Variants in ITSN2 observed in about 807,000 individuals in gnomAD.
ITSN2 encodes intersectin-2.
In ITSN2, 156 loss-of-function variants were observed where a neutral mutation model predicts 243.7. The ratio of observed to expected loss-of-function variants is 0.64; its 90% CI spans 0.56 to 0.73. ITSN2 has a LOEUF of 0.73. Ranked by LOEUF, ITSN2 falls within the 30% of genes least tolerant of loss-of-function variation. The probability of loss-of-function intolerance (pLI) is 0.00; values close to 1 mark genes in which losing one functional copy is unlikely to be tolerated. For missense variants in ITSN2, 1,801 were observed against 1,996.1 expected (o/e 0.90, Z 1.86); for synonymous variants, 703 against 699.9 (o/e 1.00, Z -0.07).
rs879538107 is a variant in ITSN2, at chr2:24,314,799, A to G, written c.124+333T>C. Among the ~76,000 whole-genome samples the G allele has an allele frequency of 3.3e-5, 5 of 151,378 alleles. No homozygotes were observed. The East Asian group carries it at 9.6e-4, about 29-fold the overall frequency. On this transcript the variant is annotated intron_variant, in intron 3 of 39. Coordinates refer to ENST00000355123, the MANE Select transcript of ITSN2 (RefSeq NM_006277.3). Reference sequence around the variant, plus strand: ...CTAGCATTAGGAAAACAGATTCCAGAAAAAAAAAGTCTAGATTTTCCATGA... The same window carrying G: ...CTAGCATTAGGAAAACAGATTCCAGGAAAAAAAAGTCTAGATTTTCCATGA...
At chr2:24,212,400 A>G (rs1036194413) in intron 33 of ITSN2, among the ~76,000 whole-genome samples, 1 of 152,102 alleles carries the variant, frequency 6.6e-6, no homozygotes, top group Non-Finnish European at 1.5e-5. Flanking sequence ...GAGTTTCTTG[A>G]AAGGTGGGTG....
rs1472669792 is a variant in ITSN2, at chr2:24,335,158, ATCTTT to A, written c.-33-7048_-33-7044del. 3.9e-5 allele frequency: 8 copies of A among 206,680 alleles called. No homozygotes were observed. The East Asian group carries it at 3.9e-4, about 10-fold the overall frequency. 12.8% of individuals were successfully genotyped at this position (206,680 alleles called of 1,614,324 possible). On this transcript the variant is annotated intron_variant, in intron 1 of 39. Coordinates refer to ENST00000355123, the MANE Select transcript of ITSN2 (RefSeq NM_006277.3). ...GCCAAGTGACCCAGTTCTAAGTGTCATCTTTTCTTTTATTATAAAGACAATAAAAT... is the reference window on the plus strand; with the variant it reads ...GCCAAGTGACCCAGTTCTAAGTGTCATCTTTTATTATAAAGACAATAAAAT...
chr2:24,299,946 C>A lies in ITSN2; in HGVS notation c.1307G>T (p.Arg436Leu), dbSNP rs1238446619. The change falls in exon 12 of 40, where the codon CGA becomes CTA. Residue 436 changes from arginine (R) to leucine (L), a missense_variant. Coordinates refer to ENST00000355123, the MANE Select transcript of ITSN2 (RefSeq NM_006277.3). ...LEKQRELERQ[R>L]EEERRKDIER... ...TATGTCTTTTCTCCTTTCTTCCTCT[C>A]GTTGTCTCTCCAATTCCCGTTGCTT... 2.5e-6 allele frequency: 4 copies of A among 1,613,100 alleles called. No individual in the cohort carries two copies. The highest frequency in any genetic ancestry group is 3.3e-5 in the Admixed American group (2 of 59,838).
intron 17 of ITSN2, among the ~76,000 whole-genome samples, chr2:24,279,808 C>G (rs1184299364): frequency 6.8e-6 from 1 of 146,840 alleles, no homozygotes; most frequent in Non-Finnish European, 1.5e-5. Flanking sequence ...TCTCACCTCA[C>G]TACAACCTCC....
intron 29 of ITSN2, among the ~76,000 whole-genome samples, chr2:24,230,733 A>C (rs1231296441): frequency 6.6e-6 from 1 of 152,096 alleles, no homozygotes; most frequent in Non-Finnish European, 1.5e-5. Flanking sequence ...ATGCCATTGC[A>C]CTCCAGCCTG....
intron 1 of ITSN2, among the ~76,000 whole-genome samples, chr2:24,331,726 A>G (rs1685807549): frequency 1.3e-5 from 2 of 152,210 alleles, no homozygotes. Context: ...GGCAATCTGG[A>G]CTTTCCAGTG....
chr2:24,360,087 G>A (rs910130394), intron 1 of ITSN2, among the ~76,000 whole-genome samples: 2 of 152,056 alleles, frequency 1.3e-5, no homozygotes, highest in African/African-American at 4.8e-5. Context: ...GTCCCGGCCC[G>A]GCAGCAGAGG....
intron 1 of ITSN2, among the ~76,000 whole-genome samples, chr2:24,337,281 GTA>G (rs199978433): frequency 0.18 from 19,070 of 105,008 alleles, 2,875 homozygotes; most frequent in Non-Finnish European, 0.25. Context: ...CTATATGTAT[GTA>G]TGTGTGTGTG....
intron 13 of ITSN2, 39 bp downstream of exon 13, chr2:24,298,626 T>A (rs1000750753): frequency 6.3e-7 from 1 of 1,577,016 alleles, no homozygotes; most frequent in Non-Finnish European, 8.6e-7. Flanking sequence ...GGTAGCTCCA[T>A]CATCATTCAG....
At chr2:24,235,138 G>A (rs139064129) in intron 29 of ITSN2, among the ~76,000 whole-genome samples, 11 of 152,230 alleles carry the variant, frequency 7.2e-5, no homozygotes, top group Admixed American at 1.3e-4. Flanking sequence ...CCCAGACAAC[G>A]GAATATTATT....
intron 29 of ITSN2, chr2:24,239,803 T>C (rs1672529691): frequency 6.6e-6 from 1 of 152,140 alleles, no homozygotes; most frequent in African/African-American, 2.4e-5. Flanking sequence ...TAAGTTATTA[T>C]GTCATATGAT....
Position 24,258,091 on chromosome 2 carries a change from T to A in ITSN2, c.2685A>T (p.Gly895=). The A allele has an allele frequency of 1.2e-6, 2 of 1,612,860 alleles. No individual in the cohort carries two copies. Among genetic ancestry groups the A allele is most frequent in the Non-Finnish European group, 1.7e-6 (2 of 1,179,172 alleles). ...GTGCTTTTAAGTTTTCTACCACTTG[T>A]CCCTATGAATACAAAACCACCAAAA... ...PGSVSPIHGQ[G]QVVENLKAQA... is the part of the protein sequence containing the mutation. The change falls in exon 23 of 40, where the codon GGA becomes GGT. Residue 895 remains glycine (G), a splice_region_variant and synonymous_variant. Transcript: ENST00000355123.
intron 20 of ITSN2, among the ~76,000 whole-genome samples, chr2:24,267,422 C>T (rs543668269): frequency 2.9e-4 from 44 of 151,978 alleles, no homozygotes; most frequent in African/African-American, 7.5e-4. Flanking sequence ...AAGGAATCAC[C>T]GTAAGCTATG....
intron 22 of ITSN2, 52 bp downstream of exon 22, chr2:24,261,054 A>T: frequency 6.6e-7 from 1 of 1,525,626 alleles, no homozygotes; most frequent in Admixed American, 1.9e-5. Flanking sequence ...ATTCTATTTT[A>T]ATCAGGAGCA....
At chr2:24,256,798 T>C (rs1405077978) in intron 23 of ITSN2, among the ~76,000 whole-genome samples, 1 of 152,146 alleles carries the variant, frequency 6.6e-6, no homozygotes, top group African/African-American at 2.4e-5. Context: ...GCTTATGATC[T>C]AATAAGGGAC....
At chr2:24,299,820 T>C (rs1681491941) in intron 12 of ITSN2, 89 bp downstream of exon 12, 1 of 1,167,068 alleles carries the variant, frequency 8.6e-7, no homozygotes, top group African/African-American at 1.6e-5. Context: ...AAAACAAAAA[T>C]TCAAAAATAA....
At chr2:24,277,875 GT>G (rs1421216276) in intron 17 of ITSN2, among the ~76,000 whole-genome samples, 2 of 152,134 alleles carry the variant, frequency 1.3e-5, no homozygotes, top group East Asian at 3.8e-4. Context: ...ATCTCATAAT[GT>G]TTTAAGAAAG....
chr2:24,210,629 A>G lies in ITSN2; in HGVS notation c.4257+151T>C, dbSNP rs916479325. ...GACTCCGTCTCAAAAAAAAAAAAAA[A>G]AAAAAGAAAAAAAAATGCCTTTGCA... On this transcript the variant is annotated intron_variant, in intron 34 of 39. Transcript: ENST00000355123. The G allele has an allele frequency of 8.2e-4, 522 of 635,656 alleles. 1 individual carries two copies. The highest frequency in any genetic ancestry group is 1.8e-3 in the Middle Eastern group (4 of 2,264). 39.4% of individuals were successfully genotyped at this position (635,656 alleles called of 1,614,324 possible). A position where few individuals can be genotyped will look rare whatever the true frequency, so the allele number is the denominator to read the frequency against.
chr2:24,224,937 A>C (rs1055396462), intron 29 of ITSN2, among the ~76,000 whole-genome samples: 3 of 152,106 alleles, frequency 2.0e-5, no homozygotes, highest in Admixed American at 1.3e-4. Context: ...GCCTGCTCTT[A>C]AATTTTTACC....
Sources: gnomAD v4.1 joint callset for allele counts (sites outside exome capture counted in the v4.1 genomes callset) on GRCh38, gnomAD v4.1.1 for gene constraint, MANE v1.5 for transcripts, NCBI Gene and HGNC (gene_info 2026-07-23, HGNC 2026-07-21) for gene names.